PRELID2: variants seen among roughly 807,000 people sequenced by gnomAD.
PRELID2 encodes PRELI domain-containing protein 2.
PRELID2 carries 25 observed loss-of-function variants against 28.4 expected under a neutral mutation model. The ratio of observed to expected loss-of-function variants is 0.88; its 90% CI spans 0.64 to 1.23. The LOEUF (loss-of-function observed/expected upper bound fraction) is 1.23. Ranked by LOEUF, PRELID2 falls within the 50% of genes most tolerant of loss-of-function variation. PRELID2 has a pLI of 0.00. For synonymous variants in PRELID2, 76 were observed against 71.6 expected (o/e 1.06, Z -0.31); for missense variants, 201 against 214.4 (o/e 0.94, Z 0.39).
the PRELID2 span, among the ~76,000 whole-genome samples, chr5:145,372,948 TG>T: frequency 2.0e-5 from 1 of 50,532 alleles, no homozygotes; most frequent in Non-Finnish European, 3.9e-5. Context: ...ATAATATATA[TG>T]ATATTATATA....
At chr5:145,657,428 G>A (rs1345346903) in intron 1 of PRELID2, among the ~76,000 whole-genome samples, 1 of 152,220 alleles carries the variant, frequency 6.6e-6, no homozygotes, top group East Asian at 1.9e-4. Flanking sequence ...GCTCATGCCT[G>A]TAATCCCAGC....
chr5:145,662,677 T>C (rs186807367), intron 1 of PRELID2, among the ~76,000 whole-genome samples: 1 of 152,016 alleles, frequency 6.6e-6, no homozygotes, highest in Non-Finnish European at 1.5e-5. Flanking sequence ...ATTGGTGGCT[T>C]TATGAGAAAA....
At chr5:145,721,969 G>C (rs1186817978) in intron 1 of PRELID2, among the ~76,000 whole-genome samples, 1 of 152,142 alleles carries the variant, frequency 6.6e-6, no homozygotes, top group East Asian at 1.9e-4. Flanking sequence ...AACTGTAGGA[G>C]AAGCAAGCAG....
At chr5:145,512,134 AG>A (rs1348799543) in intron 1 of PRELID2, among the ~76,000 whole-genome samples, 1 of 152,120 alleles carries the variant, frequency 6.6e-6, no homozygotes, top group Non-Finnish European at 1.5e-5. Flanking sequence ...TGTAGATGAA[AG>A]CTCATGAGAA....
At chr5:145,388,928 C>T in the PRELID2 span, among the ~76,000 whole-genome samples, 1 of 152,104 alleles carries the variant, frequency 6.6e-6, no homozygotes, top group Non-Finnish European at 1.5e-5. Flanking sequence ...TTTATAACAT[C>T]TGCATGTACT....
chr5:145,430,162 T>C, the PRELID2 span, among the ~76,000 whole-genome samples: 4 of 152,320 alleles, frequency 2.6e-5, no homozygotes, highest in Admixed American at 6.5e-5. Flanking sequence ...CAACTCTACA[T>C]GTGCAAATTC....
At chr5:145,306,274 G>A in the PRELID2 span, among the ~76,000 whole-genome samples, 1 of 152,106 alleles carries the variant, frequency 6.6e-6, no homozygotes, top group Admixed American at 6.6e-5. Flanking sequence ...TGTGAAGTGT[G>A]TTGTCACTTG....
chr5:145,506,277 C>G (rs1752410933), intron 1 of PRELID2, among the ~76,000 whole-genome samples: 1 of 152,054 alleles, frequency 6.6e-6, no homozygotes, highest in South Asian at 2.1e-4. Context: ...AAGTTTATTC[C>G]CAGTTCAGAG....
In PRELID2 at chr5:145,528,508, A is replaced by C. The variant is rs113775157; in HGVS notation, n.71-55193T>G. ...CTCACGAGAGAGAGAGAGCACATAC[A>C]TGCAAAGGGATTTTATATTCCACTG... On this transcript the variant is annotated intron_variant and non_coding_transcript_variant, in intron 1 of 2. Coordinates refer to the PRELID2 transcript ENST00000510259. Among the ~76,000 whole-genome samples, 56 of 152,006 alleles carry C rather than the reference A, an allele frequency of 3.7e-4. 1 individual carries two copies. The highest frequency in any genetic ancestry group is 1.3e-3 in the African/African-American group (53 of 41,468).
At chr5:145,238,443 G>C in the PRELID2 span, among the ~76,000 whole-genome samples, 1 of 151,990 alleles carries the variant, frequency 6.6e-6, no homozygotes, top group Non-Finnish European at 1.5e-5. Flanking sequence ...CTCCCCCACA[G>C]AATATGTCAA....
chr5:145,511,191 A>AT (rs1229951011), intron 1 of PRELID2, among the ~76,000 whole-genome samples: 62 of 152,270 alleles, frequency 4.1e-4, no homozygotes, highest in African/African-American at 1.4e-3. Flanking sequence ...ACAGGAAGCT[A>AT]TTTTTTCATC....
chr5:145,673,393 T>C (rs769075764), intron 1 of PRELID2, among the ~76,000 whole-genome samples: 5 of 151,908 alleles, frequency 3.3e-5, no homozygotes, highest in African/African-American at 1.2e-4. Flanking sequence ...TCAAAACAGA[T>C]AAATGTTTTG....
the PRELID2 span, among the ~76,000 whole-genome samples, chr5:145,409,020 C>T: frequency 6.6e-6 from 1 of 152,152 alleles, no homozygotes; most frequent in Non-Finnish European, 1.5e-5. Flanking sequence ...CAGCAGATTT[C>T]TCAGCAGAAA....
chr5:145,741,526 A>C (rs1239997712), intron 1 of PRELID2, among the ~76,000 whole-genome samples: 11 of 123,908 alleles, frequency 8.9e-5, no homozygotes, highest in African/African-American at 3.6e-4. Context: ...TAATTTATTT[A>C]TATATAAAAT....
chr5:145,609,365 G>A (rs1205384373), intron 1 of PRELID2, among the ~76,000 whole-genome samples: 2 of 152,158 alleles, frequency 1.3e-5, no homozygotes, highest in African/African-American at 2.4e-5. Context: ...CTAAGTTCCC[G>A]TGCTGGTTCT....
chr5:145,329,266 C>G, the PRELID2 span, among the ~76,000 whole-genome samples: 1 of 151,996 alleles, frequency 6.6e-6, no homozygotes, highest in African/African-American at 2.4e-5. Flanking sequence ...TATAAGCGGT[C>G]TTCTTTGGTT....
chr5:145,549,976 C>A (rs1397463951), intron 1 of PRELID2, among the ~76,000 whole-genome samples: 1 of 152,056 alleles, frequency 6.6e-6, no homozygotes, highest in Non-Finnish European at 1.5e-5. Flanking sequence ...GAAAGTCCTG[C>A]CACAAGGGAG....
At chr5:145,425,606 G>A in the PRELID2 span, among the ~76,000 whole-genome samples, 107 of 152,244 alleles carry the variant, frequency 7.0e-4, 1 homozygote, top group African/African-American at 2.4e-3. Context: ...TCCTTTGTTG[G>A]GATGTGGATG....
chr5:145,695,477 A>G (rs2149698665), intron 1 of PRELID2, among the ~76,000 whole-genome samples: 1 of 152,326 alleles, frequency 6.6e-6, no homozygotes, highest in East Asian at 1.9e-4. Context: ...TTTTTAGAAG[A>G]GAAATGTGGT....
Sources: gnomAD v4.1 joint callset for allele counts (sites outside exome capture counted in the v4.1 genomes callset) on GRCh38, gnomAD v4.1.1 for gene constraint, MANE v1.5 for transcripts, NCBI Gene and HGNC (gene_info 2026-07-23, HGNC 2026-07-21) for gene names.